NKAIN2: variants seen among roughly 807,000 people sequenced by gnomAD.
The protein encoded by NKAIN2 is sodium/potassium-transporting ATPase subunit beta-1-interacting protein 2.
A neutral mutation model predicts 32.6 loss-of-function variants in NKAIN2; 14 were observed. That is an observed-to-expected ratio of 0.43 (90% CI 0.28 to 0.67). NKAIN2 has a LOEUF of 0.67. NKAIN2 is among the 30% of genes least tolerant of loss of function. The pLI is 0.17. For missense variants in NKAIN2, 198 were observed against 258.3 expected (o/e 0.77, Z 1.60); for synonymous variants, 80 against 87.2 (o/e 0.92, Z 0.46).
intron 3 of NKAIN2, chr6:124,437,891 T>A (rs1277880861): frequency 7.3e-6 from 3 of 408,990 alleles, no homozygotes; most frequent in Non-Finnish European, 1.4e-5. Context: ...TTTTTTTTTT[T>A]CTTAACCCCA....
chr6:124,111,965 AT>A (rs1396178311), intron 1 of NKAIN2, among the ~76,000 whole-genome samples: 1 of 152,126 alleles, frequency 6.6e-6, no homozygotes, highest in Admixed American at 6.5e-5. Flanking sequence ...TCCCCAGAAC[AT>A]ACTTTATGTT....
intron 3 of NKAIN2, among the ~76,000 whole-genome samples, chr6:124,458,205 A>T (rs1323835341): frequency 6.6e-6 from 1 of 151,988 alleles, no homozygotes; most frequent in Admixed American, 6.6e-5. Context: ...TAAAAAAGCA[A>T]ATAAGCCATA....
intron 1 of NKAIN2, among the ~76,000 whole-genome samples, chr6:123,874,421 G>A (rs1773065948): frequency 6.6e-6 from 1 of 152,054 alleles, no homozygotes; most frequent in South Asian, 2.1e-4. Flanking sequence ...GAAGCATGCC[G>A]GCTTGTTTAC....
chr6:124,468,763 G>T (rs934090469), intron 3 of NKAIN2, among the ~76,000 whole-genome samples: 1 of 152,162 alleles, frequency 6.6e-6, no homozygotes. Context: ...AGTTGCTGTT[G>T]CAGAGTGGAG....
chr6:124,782,067 A>G (rs1333987372), intron 4 of NKAIN2, among the ~76,000 whole-genome samples: 1 of 152,140 alleles, frequency 6.6e-6, no homozygotes, highest in Non-Finnish European at 1.5e-5. Context: ...TCATAAGCAT[A>G]AAGCTTATTC....
intron 5 of NKAIN2, among the ~76,000 whole-genome samples, chr6:124,812,767 T>C (rs1000395283): frequency 3.9e-5 from 6 of 152,086 alleles, no homozygotes; most frequent in Non-Finnish European, 8.8e-5. Flanking sequence ...AATATGCCCC[T>C]GGCAAACAAA....
chr6:124,213,704 T>A (rs1027349974), intron 1 of NKAIN2, among the ~76,000 whole-genome samples: 2 of 152,138 alleles, frequency 1.3e-5, no homozygotes, highest in Non-Finnish European at 2.9e-5. Flanking sequence ...AAATGTGTAA[T>A]GATAAATAAT....
chr6:124,589,989 G>C (rs540648447), intron 3 of NKAIN2, among the ~76,000 whole-genome samples: 2 of 152,240 alleles, frequency 1.3e-5, no homozygotes, highest in South Asian at 4.2e-4. Flanking sequence ...AAATTCTTTT[G>C]CTGTTGGGTC....
At chr6:124,441,019 C>A (rs562931213) in intron 3 of NKAIN2, among the ~76,000 whole-genome samples, 8 of 152,226 alleles carry the variant, frequency 5.3e-5, no homozygotes, top group African/African-American at 1.9e-4. Flanking sequence ...GTCATCCTTT[C>A]TGGGTATCAC....
intron 3 of NKAIN2, among the ~76,000 whole-genome samples, chr6:124,360,923 T>C (rs1799261206): frequency 6.6e-6 from 1 of 152,166 alleles, no homozygotes; most frequent in Non-Finnish European, 1.5e-5. Context: ...AAATGTGACA[T>C]GGGTTATTGA....
At chr6:123,816,384 G>A (rs911646978) in intron 1 of NKAIN2, among the ~76,000 whole-genome samples, 1 of 152,160 alleles carries the variant, frequency 6.6e-6, no homozygotes, top group Non-Finnish European at 1.5e-5. Flanking sequence ...ACAACACAAT[G>A]TGAGAGTGAA....
intron 1 of NKAIN2, among the ~76,000 whole-genome samples, chr6:123,911,787 A>ATT (rs1554222341): frequency 1.4e-5 from 1 of 71,282 alleles, no homozygotes; most frequent in African/African-American, 5.3e-5. Context: ...ACATACATAT[A>ATT]TATATATATA....
At chr6:123,883,554 C>A (rs1773558688) in intron 1 of NKAIN2, among the ~76,000 whole-genome samples, 1 of 151,762 alleles carries the variant, frequency 6.6e-6, no homozygotes, top group African/African-American at 2.4e-5. Context: ...TCCCCTTCAC[C>A]TTCTGCCATG....
chr6:123,888,201 T>C (rs1380238238), intron 1 of NKAIN2, among the ~76,000 whole-genome samples: 2 of 152,052 alleles, frequency 1.3e-5, no homozygotes, highest in East Asian at 1.9e-4. Flanking sequence ...GCAGCCAAAA[T>C]GTGCTTTAAT....
At chr6:123,950,200 G>A (rs1003840807) in intron 1 of NKAIN2, among the ~76,000 whole-genome samples, 3 of 151,800 alleles carry the variant, frequency 2.0e-5, no homozygotes, top group Non-Finnish European at 4.4e-5. Context: ...CTTGTATTTT[G>A]TTGAGAATTT....
intron 3 of NKAIN2, among the ~76,000 whole-genome samples, chr6:124,495,485 GT>G (rs2114734481): frequency 6.6e-6 from 1 of 152,052 alleles, no homozygotes; most frequent in South Asian, 2.1e-4. Context: ...CTAGGATCTT[GT>G]TAAAATGCAA....
intron 3 of NKAIN2, among the ~76,000 whole-genome samples, chr6:124,365,996 A>G (rs1160431139): frequency 2.6e-5 from 4 of 152,050 alleles, no homozygotes; most frequent in Non-Finnish European, 4.4e-5. Flanking sequence ...TGCTTAGAGG[A>G]AAAAATGACC....
At chr6:124,266,388 C>T (rs1562460120) in intron 1 of NKAIN2, among the ~76,000 whole-genome samples, 2 of 152,094 alleles carry the variant, frequency 1.3e-5, no homozygotes, top group African/African-American at 2.4e-5. Context: ...ACTGATCCTC[C>T]CACCTGAGCC....
intron 1 of NKAIN2, among the ~76,000 whole-genome samples, chr6:123,930,718 T>A (rs1182027371): frequency 1.3e-5 from 2 of 152,162 alleles, no homozygotes; most frequent in Non-Finnish European, 2.9e-5. Flanking sequence ...TCCTCTTCAG[T>A]CAATAGGGAA....
Sources: gnomAD v4.1 joint callset for allele counts (sites outside exome capture counted in the v4.1 genomes callset) on GRCh38, gnomAD v4.1.1 for gene constraint, MANE v1.5 for transcripts, NCBI Gene and HGNC (gene_info 2026-07-23, HGNC 2026-07-21) for gene names.